Variants in CLOCK observed in about 807,000 individuals in gnomAD.
The protein encoded by CLOCK is clock circadian regulator.
Under a neutral mutation model 118.4 loss-of-function variants are expected in CLOCK, and 43 were observed. The ratio of observed to expected loss-of-function variants is 0.36; its 90% CI spans 0.28 to 0.47. The LOEUF is 0.47. Among genes scored for constraint, CLOCK ranks in the 20% least tolerant of loss-of-function variants. The pLI is 1.00. For missense variants in CLOCK, 846 were observed against 999.9 expected, an observed-to-expected ratio of 0.85 and a Z score of 2.08; for synonymous variants, 326 against 339.2, an observed-to-expected ratio of 0.96 and a Z score of 0.43.
At chr4:55,495,752 T>C (rs1049569027) in intron 2 of CLOCK, among the ~76,000 whole-genome samples, 1 of 152,118 alleles carries the variant, frequency 6.6e-6, no homozygotes, top group African/African-American at 2.4e-5. Flanking sequence ...ATTCTGCTAG[T>C]GTTACCCCAG....
intron 1 of CLOCK, among the ~76,000 whole-genome samples, chr4:55,540,004 T>A (rs1028038105): frequency 9.0e-6 from 1 of 111,130 alleles, no homozygotes; most frequent in African/African-American, 3.8e-5. Flanking sequence ...TCCAATGATA[T>A]TAATTTTTTT....
intron 1 of CLOCK, among the ~76,000 whole-genome samples, chr4:55,514,234 G>A (rs1012831425): frequency 3.3e-5 from 5 of 152,010 alleles, no homozygotes; most frequent in African/African-American, 4.8e-5. Flanking sequence ...TACATAAAAC[G>A]TTAGCTATAG....
Position 55,450,184 on chromosome 4 carries a change from C to G in CLOCK, c.1255G>C (p.Glu419Gln). 6.2e-7 allele frequency: 1 copy of G among 1,613,938 alleles called. No individual in the cohort carries two copies. Among genetic ancestry groups the G allele is most frequent in the South Asian group, 1.1e-5 (1 of 91,068 alleles). ...DNRINTVSLK[E>Q]ALERFDHSPT... is the part of the protein sequence containing the mutation. ...CTGTGATCAAACCTTTCCAATGCTT[C>G]CTTGAGACTGACTGTGTTTATACGA... is the stretch of plus-strand genomic sequence containing the variant. Residue 419 changes from glutamate to glutamine, a missense_variant, in exon 16 of 23, where the codon GAA becomes CAA. Physicochemically the swap from Glu to Gln is conservative, Grantham distance 29. Around this residue, in one of 4 missense-constraint regions of CLOCK, gnomAD observed 520 missense variants for 558.0 expected, o/e 0.93. Coordinates refer to ENST00000513440, the MANE Select transcript of CLOCK (RefSeq NM_004898.4).
At chr4:55,512,748 T>G (rs747223981) in intron 1 of CLOCK, among the ~76,000 whole-genome samples, 1 of 152,172 alleles carries the variant, frequency 6.6e-6, no homozygotes, top group Non-Finnish European at 1.5e-5. Flanking sequence ...ATGAAGGGTA[T>G]AAGGTCTGTC....
chr4:55,470,845 A>G, intron 7 of CLOCK, 39 bp from the exon 8 acceptor site: 1 of 1,428,642 alleles, frequency 7.0e-7, no homozygotes, highest in Non-Finnish European at 9.8e-7. Flanking sequence ...TGAAAAGAAA[A>G]AAGTATTTTG....
chr4:55,443,975 A>T, intron 19 of CLOCK, 79 bp from the exon 20 acceptor site: 1 of 1,298,196 alleles, frequency 7.7e-7, no homozygotes, highest in Non-Finnish European at 1.1e-6. Flanking sequence ...GGCAAAATCA[A>T]GCTACAAAGT....
intron 3 of CLOCK, among the ~76,000 whole-genome samples, chr4:55,488,110 C>T: frequency 6.6e-6 from 1 of 152,162 alleles, no homozygotes; most frequent in South Asian, 2.1e-4. Flanking sequence ...AGTCTAATGG[C>T]TGTTTTATTC....
intron 8 of CLOCK, among the ~76,000 whole-genome samples, chr4:55,470,414 G>T (rs1034367544): frequency 1.3e-5 from 2 of 152,192 alleles, no homozygotes; most frequent in South Asian, 4.1e-4. Context: ...GCCTAAGTGC[G>T]TAGTAGGTTA....
intron 7 of CLOCK, among the ~76,000 whole-genome samples, chr4:55,475,174 G>A (rs1007424598): frequency 9.9e-5 from 15 of 152,162 alleles, no homozygotes; most frequent in Non-Finnish European, 8.8e-5. Context: ...TTGATTACTT[G>A]TGGATAACTT....
At chr4:55,456,161 T>G (rs1159480414) in intron 12 of CLOCK, 57 bp downstream of exon 12, 7 of 1,408,896 alleles carry the variant, frequency 5.0e-6, no homozygotes, top group Non-Finnish European at 6.9e-6. Context: ...ATCCATTAAT[T>G]TCAAGAATTA....
At position 55,529,723 on chromosome 4, in the gene CLOCK, G is replaced by A. The variant is rs572749351; in HGVS notation, c.-290+17059C>T. The stretch of plus-strand genomic sequence containing the variant: ...CCTCATTTTGTAGACTAGAAACTGA[G>A]GACAAAGAGATTAATCATTTGCCCA... On this transcript the variant is annotated intron_variant, in intron 1 of 22. Coordinates refer to ENST00000513440, the MANE Select transcript of CLOCK (RefSeq NM_004898.4). Among the ~76,000 whole-genome samples the A allele has an allele frequency of 1.3e-3, 194 of 152,242 alleles. 1 individual carries two copies. The highest frequency in any genetic ancestry group is 1.9e-4 in the East Asian group (1 of 5,188).
chr4:55,478,936 T>A lies in CLOCK; in HGVS notation c.135A>T (p.Lys45Asn), dbSNP rs761257691. Residue 45 changes from lysine to asparagine, a missense_variant, in exon 6 of 23, where the codon AAA becomes AAT. By Grantham distance (94) the Lys-to-Asn change is moderately conservative. Around this residue, in one of 4 missense-constraint regions of CLOCK, gnomAD observed 246 missense variants for 300.2 expected, o/e 0.82. Coordinates refer to ENST00000513440, the MANE Select transcript of CLOCK (RefSeq NM_004898.4). ...KRVSRNKSEK[K>N]RRDQFNVLIK... Reference sequence around the variant, plus strand: ...TGAGAACATTAAATTGATCTCTACGTTTCTTTTCAGATTTGTTTCTAGATA... The same window carrying A: ...TGAGAACATTAAATTGATCTCTACGATTCTTTTCAGATTTGTTTCTAGATA... 9 of 1,600,362 alleles carry A rather than the reference T, an allele frequency of 5.6e-6. No homozygotes were observed. The African/African-American group carries it at 1.2e-4, about 21-fold the overall frequency.
At chr4:55,497,684 G>A (rs113577259) in intron 2 of CLOCK, among the ~76,000 whole-genome samples, 21 of 152,294 alleles carry the variant, frequency 1.4e-4, no homozygotes, top group Admixed American at 4.6e-4. Context: ...AATTCAGGCT[G>A]CATGCGTTCA....
intron 7 of CLOCK, among the ~76,000 whole-genome samples, chr4:55,472,395 T>C (rs1248669699): frequency 3.3e-5 from 5 of 152,020 alleles, no homozygotes; most frequent in African/African-American, 1.2e-4. Flanking sequence ...AGAGAAGGCA[T>C]TTGAAAAAAG....
chr4:55,484,958 A>ATC (rs369874011), intron 3 of CLOCK, among the ~76,000 whole-genome samples: 24 of 151,010 alleles, frequency 1.6e-4, no homozygotes, highest in Admixed American at 5.9e-4. Flanking sequence ...ACAACGTAAG[A>ATC]TCTCTCTCTC....
At chr4:55,536,089 G>A (rs1374297399) in intron 1 of CLOCK, among the ~76,000 whole-genome samples, 2 of 152,054 alleles carry the variant, frequency 1.3e-5, no homozygotes, top group Admixed American at 1.3e-4. Flanking sequence ...TCTCCCCTCA[G>A]CATACTTGCT....
chr4:55,443,943 G>C lies in CLOCK; in HGVS notation c.1693-47C>G, dbSNP rs775897165. 11 of 1,548,522 alleles carry C rather than the reference G, an allele frequency of 7.1e-6. No individual in the cohort carries two copies. In the South Asian group the frequency reaches 1.3e-4, roughly 18 times the overall value. Reference sequence around the variant, plus strand: ...TAAAATGAGCTTTGTAGATTGAAAAGAAGAATGAGCATTAAAAAGAAGGCA... The same window carrying C: ...TAAAATGAGCTTTGTAGATTGAAAACAAGAATGAGCATTAAAAAGAAGGCA... On this transcript the variant is annotated intron_variant, in intron 19 of 22. Transcript: ENST00000513440.
At chr4:55,466,579 T>C (rs1725753052) in intron 8 of CLOCK, among the ~76,000 whole-genome samples, 1 of 152,248 alleles carries the variant, frequency 6.6e-6, no homozygotes, top group South Asian at 2.1e-4. Flanking sequence ...TGATGTGACC[T>C]ATCTTATCCT....
intron 21 of CLOCK, 70 bp downstream of exon 21, chr4:55,442,361 GA>G: frequency 7.4e-7 from 1 of 1,355,480 alleles, no homozygotes; most frequent in Non-Finnish European, 1.1e-6. Flanking sequence ...ATTTGATTAA[GA>G]AATCAAATTA....
Sources: allele counts gnomAD v4.1 joint callset (sites outside exome capture counted in the v4.1 genomes callset), GRCh38; gene constraint gnomAD v4.1.1; regional missense constraint gnomAD v4.1.1; transcripts MANE v1.5; gene names NCBI Gene and HGNC (gene_info 2026-07-23, HGNC 2026-07-21).